Variants in YIPF1 observed in about 807,000 individuals in gnomAD.
YIPF1 encodes the protein Yip1 domain family member 1.
A neutral mutation model predicts 37.0 loss-of-function variants in YIPF1; 22 were observed. The ratio of observed to expected loss-of-function variants is 0.59; its 90% confidence interval spans 0.42 to 0.85. YIPF1 has a LOEUF of 0.85. YIPF1 is among the 40% of genes least tolerant of loss of function. YIPF1 has a pLI of 0.00. For synonymous variants in YIPF1, 128 were observed against 131.9 expected (o/e 0.97, Z 0.21); for missense variants, 355 against 373.1 (o/e 0.95, Z 0.40).
At chr1:53,883,069 G>A (rs1384934284) in intron 4 of YIPF1, 44 bp downstream of exon 4, 3 of 1,526,350 alleles carry the variant, frequency 2.0e-6, no homozygotes, top group Non-Finnish European at 2.6e-6. Flanking sequence ...ACATAAACAA[G>A]CTTTAAAAAT....
chr1:53,884,603 T>C (rs925132465), intron 3 of YIPF1, among the ~76,000 whole-genome samples: 1 of 152,188 alleles, frequency 6.6e-6, no homozygotes, highest in African/African-American at 2.4e-5. Context: ...AAAAAGCTTT[T>C]TGGGGGGCAG....
At chr1:53,874,696 C>T (rs1284431703) in intron 6 of YIPF1, among the ~76,000 whole-genome samples, 5 of 152,074 alleles carry the variant, frequency 3.3e-5, no homozygotes, top group Non-Finnish European at 7.4e-5. Context: ...GAACCCAGGA[C>T]TCAGGGGTTG....
At chr1:53,869,519 T>C (rs1650121387) in intron 7 of YIPF1, among the ~76,000 whole-genome samples, 1 of 151,908 alleles carries the variant, frequency 6.6e-6, no homozygotes, top group African/African-American at 2.4e-5. Flanking sequence ...CCCAACAGAG[T>C]AGAAGCTAGT....
At position 53,878,758 on chromosome 1, in the gene YIPF1, A is replaced by C. The variant is rs753536833; in HGVS notation, c.196-36T>G. 7 of 1,572,544 alleles carry C rather than the reference A, an allele frequency of 4.5e-6. 1 individual carries two copies. In the South Asian group the frequency reaches 8.2e-5, roughly 19 times the overall value. On this transcript the variant is annotated intron_variant, in intron 4 of 10. Transcript: ENST00000072644. ...TAAAATAAAACATAATGAACACATA[A>C]GCAATTTCTTAATTCCAGCTGCGTG...
At chr1:53,856,756 A>G (rs1649729324) in intron 10 of YIPF1, among the ~76,000 whole-genome samples, 1 of 152,236 alleles carries the variant, frequency 6.6e-6, no homozygotes, top group Non-Finnish European at 1.5e-5. Flanking sequence ...ATGGATTGAC[A>G]ACAGTATATG....
chr1:53,880,550 GA>G (rs1438205058), intron 4 of YIPF1, among the ~76,000 whole-genome samples: 1 of 152,060 alleles, frequency 6.6e-6, no homozygotes. Flanking sequence ...CACGGAATTA[GA>G]AAAAAACTAT....
intron 9 of YIPF1, among the ~76,000 whole-genome samples, chr1:53,865,001 G>A (rs578063679): frequency 2.7e-4 from 41 of 152,154 alleles, no homozygotes; most frequent in Admixed American, 1.4e-3. Flanking sequence ...TGACAGAGCC[G>A]GTCTTCAATC....
In YIPF1 at chr1:53,889,384, G is replaced by T; in HGVS notation, c.-190C>A. The T allele has an allele frequency of 6.2e-6, 1 of 160,666 alleles. No individual in the cohort carries two copies. The highest frequency in any genetic ancestry group is 1.7e-4 in the South Asian group (1 of 6,036). The allele number at this position is 160,666 out of a possible 1,614,324, so 10.0% of individuals were successfully genotyped here. A position where few individuals can be genotyped will look rare whatever the true frequency, so the allele number is the denominator to read the frequency against. On this transcript the variant is annotated 5_prime_UTR_variant, in exon 2 of 11. Transcript: ENST00000072644. Reference sequence around the variant, plus strand: ...AGTGGTTAAAGGCACAGGCTCTGGGGTCAGACAGAGCTGGGTTTGATTCCC... The same window carrying T: ...AGTGGTTAAAGGCACAGGCTCTGGGTTCAGACAGAGCTGGGTTTGATTCCC...
Position 53,866,743 on chromosome 1 carries a change from A to G in YIPF1, c.648+15T>C, listed in dbSNP as rs979693430. ...GAGCATCACTCAGAATCTACTCCCT[A>G]AGTATGGTACTTACTGCGGTGGGGA... On this transcript the variant is annotated intron_variant, in intron 8 of 10. Coordinates refer to ENST00000072644, the MANE Select transcript of YIPF1 (RefSeq NM_018982.5). 1 of 1,606,076 alleles carries G rather than the reference A, an allele frequency of 6.2e-7. No homozygotes were observed. The highest frequency in any genetic ancestry group is 1.3e-5 in the African/African-American group (1 of 74,808).
intron 7 of YIPF1, among the ~76,000 whole-genome samples, chr1:53,869,629 G>C (rs1451049235): frequency 6.6e-6 from 1 of 152,128 alleles, no homozygotes; most frequent in Admixed American, 6.5e-5. Flanking sequence ...GGCAGGGAGA[G>C]AGCGAGGGAA....
At chr1:53,876,122 T>G (rs1451345451) in intron 6 of YIPF1, among the ~76,000 whole-genome samples, 1 of 152,194 alleles carries the variant, frequency 6.6e-6, no homozygotes, top group Non-Finnish European at 1.5e-5. Context: ...ATAAATAATC[T>G]TATTTTACTT....
chr1:53,880,725 T>C (rs1429841225), intron 4 of YIPF1, among the ~76,000 whole-genome samples: 2 of 151,952 alleles, frequency 1.3e-5, no homozygotes, highest in Admixed American at 6.6e-5. Context: ...CATAGACCAA[T>C]GAAACAGAAC....
chr1:53,853,327 T>C (rs2100714561), intron 10 of YIPF1, among the ~76,000 whole-genome samples: 1 of 152,332 alleles, frequency 6.6e-6, no homozygotes, highest in African/African-American at 2.4e-5. Context: ...AGGGACAGTA[T>C]AAATGATGGT....
intron 6 of YIPF1, 50 bp downstream of exon 6, chr1:53,878,265 C>T (rs1650386175): frequency 1.3e-6 from 2 of 1,588,810 alleles, no homozygotes; most frequent in Non-Finnish European, 1.7e-6. Context: ...AACCCTCACA[C>T]TCACCCAAGT....
Position 53,888,931 on chromosome 1 carries a change from C to T in YIPF1, c.7G>A (p.Ala3Thr), listed in dbSNP as rs778318378. MA[A>T]VDDLQFEEFG... Reference sequence around the variant, plus strand: ...CCTTCAAATTGCAAGTCATCTACTGCTGCCATTCGGCCAGTGAGTCTTCTC... The same window carrying T: ...CCTTCAAATTGCAAGTCATCTACTGTTGCCATTCGGCCAGTGAGTCTTCTC... Residue 3 changes from alanine (A) to threonine (T), a missense_variant, in exon 3 of 11, where the codon GCA becomes ACA. By Grantham distance (58) the Ala-to-Thr change is moderately conservative. Transcript: ENST00000072644. The T allele has an allele frequency of 9.4e-6, 15 of 1,596,158 alleles. No individual in the cohort carries two copies. The highest frequency in any genetic ancestry group is 1.1e-5 in the Non-Finnish European group (13 of 1,165,450).
chr1:53,870,158 C>CTTTTT (rs1415039646), intron 7 of YIPF1, among the ~76,000 whole-genome samples: 3 of 67,450 alleles, frequency 4.4e-5, no homozygotes, highest in Non-Finnish European at 8.0e-5. Flanking sequence ...CGCACCGGGT[C>CTTTTT]TCTTTTTTTT....
In YIPF1 at chr1:53,867,508, G is replaced by A. The variant is rs1455598135; in HGVS notation, c.482-584C>T. Reference sequence around the variant, plus strand: ...CTGCCTCAGCCTCCCGAGTAGCTGGGACTACAGGCGCCCGCCACCACATCC... The same window carrying A: ...CTGCCTCAGCCTCCCGAGTAGCTGGAACTACAGGCGCCCGCCACCACATCC... On this transcript the variant is annotated intron_variant, in intron 7 of 10. Coordinates refer to ENST00000072644, the MANE Select transcript of YIPF1 (RefSeq NM_018982.5). 2.6e-5 allele frequency among the ~76,000 whole-genome samples: 4 copies of A among 151,898 alleles called. 1 individual carries two copies. The highest frequency in any genetic ancestry group is 9.7e-5 in the African/African-American group (4 of 41,348).
At chr1:53,879,414 C>T (rs571806342) in intron 4 of YIPF1, among the ~76,000 whole-genome samples, 33 of 152,122 alleles carry the variant, frequency 2.2e-4, no homozygotes, top group East Asian at 1.7e-3. Flanking sequence ...CTCTTCCTCC[C>T]CCATCCATCC....
intron 9 of YIPF1, among the ~76,000 whole-genome samples, chr1:53,863,139 C>T (rs964597725): frequency 1.3e-5 from 2 of 152,174 alleles, no homozygotes; most frequent in African/African-American, 4.8e-5. Flanking sequence ...ACAGTCCAAC[C>T]CGTCCCGCTC....
Sources: allele counts gnomAD v4.1 joint callset (sites outside exome capture counted in the v4.1 genomes callset), GRCh38; gene constraint gnomAD v4.1.1; transcripts MANE v1.5; gene names NCBI Gene and HGNC (gene_info 2026-07-23, HGNC 2026-07-21).